RNF135: variants seen among roughly 807,000 people sequenced by gnomAD.
RNF135 encodes ring finger protein 135, also known as E3 ubiquitin-protein ligase RNF135.
RNF135 carries 46 observed loss-of-function variants against 41.9 expected under a neutral mutation model. The ratio of observed to expected loss-of-function variants is 1.10; its 90% CI spans 0.87 to 1.40. The LOEUF is 1.40. Among genes scored for constraint, RNF135 ranks in the 40% most tolerant of loss-of-function variants. RNF135 has a pLI of 0.00. For synonymous variants in RNF135, 238 were observed against 223.8 expected (o/e 1.06, Z -0.57); for missense variants, 539 against 549.8 (o/e 0.98, Z 0.20).
upstream of RNF135, chr17:30,970,935 A>ACGGGGT: frequency 1.7e-6 from 2 of 1,194,166 alleles, no homozygotes; most frequent in Non-Finnish European, 2.3e-6. Context: ...GAGGAAGGAG[A>ACGGGGT]CGGGGTGGCG....
rs183195411 is a variant in RNF135 at position 30,994,937 on chromosome 17, C to G, written c.680-2305C>G. On this transcript the variant is annotated intron_variant, in intron 3 of 4. Transcript: ENST00000328381. ...ACAGGTGTGAGCCACCACGCCTGGA[C>G]TGTAACTTTAATTTTAATTTTTTAG... Among the ~76,000 whole-genome samples, 185 of 151,382 alleles carry G rather than the reference C, an allele frequency of 1.2e-3. No homozygotes were observed. The Middle Eastern group carries it at 0.017, about 14-fold the overall frequency.
chr17:30,977,622 C>T (rs1199496781), intron 1 of RNF135, among the ~76,000 whole-genome samples: 2 of 152,148 alleles, frequency 1.3e-5, no homozygotes, highest in Non-Finnish European at 2.9e-5. Flanking sequence ...GATCTGCCCA[C>T]CTCAGCCTCC....
intron 1 of RNF135, among the ~76,000 whole-genome samples, chr17:30,983,353 A>ATATATATATATATATT (rs1420453160): frequency 7.0e-4 from 25 of 35,720 alleles, no homozygotes; most frequent in Non-Finnish European, 9.7e-4. Context: ...ATATATATAT[A>ATATATATATATATATT]TTTTTTTTTT....
intron 1 of RNF135, chr17:30,979,014 C>T (rs1906715224): frequency 5.6e-6 from 1 of 178,976 alleles, no homozygotes; most frequent in South Asian, 6.0e-5. Flanking sequence ...CTTCTATCCA[C>T]ACAGACCCGG....
chr17:30,964,587 G>A, the RNF135 span, among the ~76,000 whole-genome samples: 2 of 151,836 alleles, frequency 1.3e-5, no homozygotes, highest in African/African-American at 2.4e-5. Context: ...CTGGGCAACA[G>A]AGGGAGACTC....
intron 2 of RNF135, among the ~76,000 whole-genome samples, chr17:30,985,664 T>C (rs912510027): frequency 6.6e-6 from 1 of 152,054 alleles, no homozygotes; most frequent in African/African-American, 2.4e-5. Context: ...CTCTCCCTCT[T>C]CTAGTCTGTT....
chr17:30,976,595 T>C (rs60118053), intron 1 of RNF135, among the ~76,000 whole-genome samples: 1 of 152,364 alleles, frequency 6.6e-6, no homozygotes, highest in African/African-American at 2.4e-5. Context: ...GTCTTCTCTT[T>C]AGCTCTAATA....
intron 3 of RNF135, among the ~76,000 whole-genome samples, chr17:30,994,840 G>A (rs1908232884): frequency 6.6e-6 from 1 of 151,452 alleles, no homozygotes; most frequent in African/African-American, 2.4e-5. Context: ...GTTTCACCAT[G>A]TTGGCCAGGC....
chr17:30,960,346 T>A, the RNF135 span, among the ~76,000 whole-genome samples: 474 of 148,616 alleles, frequency 3.2e-3, 1 homozygote, highest in African/African-American at 0.011. Flanking sequence ...GAACCAAGAT[T>A]GCGCCACTGC....
chr17:30,984,775 G>C lies in RNF135; in HGVS notation c.516+15G>C. On this transcript the variant is annotated intron_variant, in intron 2 of 4. Transcript: ENST00000328381. ...TCCTGGGCAAGGTAGGCTCCACTGG[G>C]AGAGGAAAGGATGTGGAAGGGAATA... The C allele has an allele frequency of 6.2e-7, 1 of 1,613,894 alleles. No homozygotes were observed. The highest frequency in any genetic ancestry group is 8.5e-7 in the Non-Finnish European group (1 of 1,179,850).
At position 30,971,422 on chromosome 17, in the gene RNF135, C is replaced by G. The variant is rs1337873388; in HGVS notation, c.349C>G (p.Arg117Gly). The G allele has an allele frequency of 3.3e-6, 5 of 1,515,412 alleles. No individual in the cohort carries two copies. The South Asian group carries it at 3.6e-5, about 11-fold the overall frequency. The allele number at this position is 1,515,412 out of a possible 1,614,324, so 93.9% of individuals were successfully genotyped here. A position where few individuals can be genotyped will look rare whatever the true frequency, so the allele number is the denominator to read the frequency against. Residue 117 changes from arginine (R) to glycine (G), a missense_variant, in exon 1 of 5, where the codon CGG becomes GGG. This residue lies in a region of RNF135 where 277 missense variants were observed against 212.8 expected (regional missense o/e 1.30). Coordinates refer to ENST00000328381, the MANE Select transcript of RNF135 (RefSeq NM_032322.4). The part of the protein sequence containing the change: ...SSLSSAAARP[R>G]RRPELQRVAV... ...CCTCTCCAGCGCGGCCGCGAGGCCC[C>G]GGCGCCGCCCGGAACTGCAGCGGGT...
chr17:30,973,755 T>C (rs1461432467), intron 1 of RNF135, among the ~76,000 whole-genome samples: 1 of 152,154 alleles, frequency 6.6e-6, no homozygotes, highest in Non-Finnish European at 1.5e-5. Context: ...CATGAGCCAC[T>C]GTGCCAGCCT....
chr17:30,971,794 ATTTC>A, intron 1 of RNF135: 1 of 956,422 alleles, frequency 1.0e-6, no homozygotes, highest in Non-Finnish European at 1.3e-6. Context: ...CTTTTTCTTT[ATTTC>A]TTTGAGACGG....
At chr17:30,996,869 AT>A (rs1382489291) in intron 3 of RNF135, among the ~76,000 whole-genome samples, 1 of 152,194 alleles carries the variant, frequency 6.6e-6, no homozygotes, top group African/African-American at 2.4e-5. Context: ...GGTCCTGGAT[AT>A]TCTAGGTGTT....
chr17:30,979,771 T>C (rs1409071341), intron 1 of RNF135, among the ~76,000 whole-genome samples: 25 of 41,982 alleles, frequency 6.0e-4, no homozygotes, highest in East Asian at 8.1e-4. Flanking sequence ...CTGACCCCCC[T>C]CCCCCCTCCC....
At chr17:30,961,631 T>C in the RNF135 span, among the ~76,000 whole-genome samples, 1 of 152,028 alleles carries the variant, frequency 6.6e-6, no homozygotes, top group Non-Finnish European at 1.5e-5. Context: ...CCCAGCTAAT[T>C]TTTGTATTTT....
At chr17:30,969,195 G>C (rs1281168620), upstream of RNF135, 1 of 152,114 alleles carries the variant, frequency 6.6e-6, no homozygotes, top group African/African-American at 2.4e-5. Context: ...AAGCCACCAC[G>C]CCCCGCCAGT....
chr17:30,964,692 T>A, the RNF135 span, among the ~76,000 whole-genome samples: 1 of 151,726 alleles, frequency 6.6e-6, no homozygotes, highest in South Asian at 2.1e-4. Context: ...CTTATCTTTT[T>A]TTTTTTTTTT....
chr17:30,983,353 A>ATATATATATTTTTTTT (rs1420453160), intron 1 of RNF135, among the ~76,000 whole-genome samples: 1 of 35,744 alleles, frequency 2.8e-5, no homozygotes, highest in African/African-American at 9.1e-5. Context: ...ATATATATAT[A>ATATATATATTTTTTTT]TTTTTTTTTT....
Sources: gnomAD v4.1 joint callset for allele counts (sites outside exome capture counted in the v4.1 genomes callset) on GRCh38, gnomAD v4.1.1 for gene constraint, gnomAD v4.1.1 regional missense constraint, MANE v1.5 for transcripts, NCBI Gene and HGNC (gene_info 2026-07-23, HGNC 2026-07-21) for gene names.